The following UVSSA variants were observed in gnomAD, a reference collection of about 807,000 sequenced individuals.
UVSSA encodes the protein UV-stimulated scaffold protein A.
Under a neutral mutation model 73.9 loss-of-function variants are expected in UVSSA, and 72 were observed. The ratio of observed to expected loss-of-function variants is 0.97; its 90% CI spans 0.81 to 1.19. The LOEUF is 1.19. UVSSA is among the 50% of genes most tolerant of loss of function. The probability of loss-of-function intolerance (pLI) is 0.00; values close to 1 mark genes in which losing one functional copy is unlikely to be tolerated. For missense variants in UVSSA, 1,150 were observed against 965.0 expected, an observed-to-expected ratio of 1.19 and a Z score of -2.54; for synonymous variants, 454 against 391.3, an observed-to-expected ratio of 1.16 and a Z score of -1.89.
At position 1,383,876 on chromosome 4, in the gene UVSSA, C is replaced by T. The variant is rs1436659512; in HGVS notation, c.1972C>T (p.Leu658Phe). 1.2e-6 allele frequency: 2 copies of T among 1,613,478 alleles called. No individual in the cohort carries two copies. The highest frequency in any genetic ancestry group is 1.3e-5 in the African/African-American group (1 of 74,924). The change falls in exon 13 of 14, where the codon CTC becomes TTC. Residue 658 changes from leucine (L) to phenylalanine (F), a missense_variant. Transcript: ENST00000389851. ...GRGKKRRYPS[L>F]TNLKAQADTA... ...GGGGAAGAAGAGGAGGTACCCCAGC[C>T]TCACCAACCTGAAGGCTCAGGCTGA...
rs552086787 is a variant in UVSSA at position 1,380,246 on chromosome 4, G to C, written c.1752+16G>C. On this transcript the variant is annotated intron_variant, in intron 11 of 13. Transcript: ENST00000389851. ...CCGGCTGAAGGTGAGGCCGTGGCCCGAGGGCGGGGGTGGGTGTGGGCTGGA... is the reference window on the plus strand; with the variant it reads ...CCGGCTGAAGGTGAGGCCGTGGCCCCAGGGCGGGGGTGGGTGTGGGCTGGA... The C allele has an allele frequency of 2.5e-5, 40 of 1,602,734 alleles. No homozygotes were observed. Among genetic ancestry groups the C allele is most frequent in the Non-Finnish European group, 3.3e-5 (39 of 1,173,484 alleles).
chr4:1,373,123 C>T (rs1015520101), intron 8 of UVSSA, among the ~76,000 whole-genome samples: 3 of 152,198 alleles, frequency 2.0e-5, no homozygotes, highest in Admixed American at 6.5e-5. Context: ...TCAAAGTGAC[C>T]TTCTAAGATC....
Position 1,371,256 on chromosome 4 carries a change from C to CTGTGTGTGTG in UVSSA, c.1289-4082_1289-4073dup, listed in dbSNP as rs34839757. 8.8e-3 allele frequency among the ~76,000 whole-genome samples: 1,285 copies of CTGTGTGTGTG among 146,598 alleles called. 39 individuals are homozygous for CTGTGTGTGTG. In the East Asian group the frequency reaches 0.1, roughly 12 times the overall value. ...AGTGAGAGTACGTCTGTGGGTGGAC[C>CTGTGTGTGTG]TGTGTGTGTGTGTGTGTGTGTGTGT... On this transcript the variant is annotated intron_variant, in intron 8 of 13. Transcript: ENST00000389851.
At chr4:1,374,365 C>T (rs1049351510) in intron 8 of UVSSA, among the ~76,000 whole-genome samples, 1 of 152,234 alleles carries the variant, frequency 6.6e-6, no homozygotes, top group Admixed American at 6.5e-5. Flanking sequence ...GTATAGGCCC[C>T]GCCCTGACCG....
At chr4:1,364,751 C>G (rs1447868831) in intron 7 of UVSSA, among the ~76,000 whole-genome samples, 1 of 151,990 alleles carries the variant, frequency 6.6e-6, no homozygotes, top group Non-Finnish European at 1.5e-5. Flanking sequence ...GGCATCTCCA[C>G]CCTGGGGCAC....
chr4:1,385,591 A>C, intron 13 of UVSSA: 1 of 485,588 alleles, frequency 2.1e-6, no homozygotes, highest in Non-Finnish European at 3.8e-6. Context: ...GAGAAGTGCC[A>C]AGGTGGGGCT....
intron 7 of UVSSA, chr4:1,359,103 C>T (rs1225791758): frequency 6.6e-6 from 1 of 152,264 alleles, no homozygotes; most frequent in African/African-American, 2.4e-5. Context: ...CCTTTTGACG[C>T]AGATGTTCTG....
chr4:1,373,482 G>T (rs558377641), intron 8 of UVSSA, among the ~76,000 whole-genome samples: 1 of 152,080 alleles, frequency 6.6e-6, no homozygotes, highest in Non-Finnish European at 1.5e-5. Context: ...CAACACCCTC[G>T]CAGACACACC....
chr4:1,371,304 G>A (rs1057116113), intron 8 of UVSSA, among the ~76,000 whole-genome samples: 5 of 150,048 alleles, frequency 3.3e-5, no homozygotes, highest in African/African-American at 7.4e-5. Context: ...AATCGATGAC[G>A]TGTACATGAC....
chr4:1,375,550 C>G (rs1371959481), intron 9 of UVSSA, 42 bp downstream of exon 9: 1 of 1,588,426 alleles, frequency 6.3e-7, no homozygotes, highest in Non-Finnish European at 8.5e-7. Flanking sequence ...CTGCCCGGCG[C>G]TGCCACAGCC....
intron 7 of UVSSA, among the ~76,000 whole-genome samples, chr4:1,364,451 C>T (rs1257967220): frequency 6.6e-6 from 1 of 152,240 alleles, no homozygotes; most frequent in Non-Finnish European, 1.5e-5. Flanking sequence ...AACATGTGGG[C>T]TCCCGCCCTA....
At chr4:1,358,543 T>A (rs1471392202) in intron 7 of UVSSA, 1 of 152,240 alleles carries the variant, frequency 6.6e-6, no homozygotes, top group African/African-American at 2.4e-5. Context: ...ATGAAGTGAT[T>A]GGCGGGCTCG....
At chr4:1,363,814 C>T (rs1716966092) in intron 7 of UVSSA, among the ~76,000 whole-genome samples, 2 of 152,228 alleles carry the variant, frequency 1.3e-5, no homozygotes, top group African/African-American at 4.8e-5. Flanking sequence ...ACAGGCTTCC[C>T]TTTTGATCAG....
intron 8 of UVSSA, among the ~76,000 whole-genome samples, chr4:1,374,690 G>A (rs967928725): frequency 6.6e-5 from 10 of 152,210 alleles, no homozygotes; most frequent in East Asian, 1.9e-4. Flanking sequence ...CCTGGCAGAC[G>A]GAGGGAGTTG....
chr4:1,369,448 C>T (rs1246204440), intron 8 of UVSSA, among the ~76,000 whole-genome samples: 6 of 152,236 alleles, frequency 3.9e-5, no homozygotes, highest in South Asian at 2.1e-4. Flanking sequence ...TATATTCTGC[C>T]GCTGTTTTTT....
downstream of UVSSA, chr4:1,389,106 G>T (rs139400803): frequency 2.0e-5 from 3 of 152,090 alleles, no homozygotes; most frequent in Non-Finnish European, 2.9e-5. Context: ...TTATAGATCT[G>T]TTTAGTTCCA....
At chr4:1,391,618 G>C (rs1439788578), downstream of UVSSA, 1 of 151,854 alleles carries the variant, frequency 6.6e-6, no homozygotes, top group Non-Finnish European at 1.5e-5. Context: ...GCTCTTTTTT[G>C]ATTATTGTTT....
At chr4:1,381,686 C>CTTTT (rs1318393473) in intron 12 of UVSSA, among the ~76,000 whole-genome samples, 4 of 131,762 alleles carry the variant, frequency 3.0e-5, no homozygotes, top group Non-Finnish European at 4.9e-5. Flanking sequence ...TTTGATTTGG[C>CTTTT]TTTTTTTTTT....
chr4:1,356,139 C>T (rs747952865), intron 7 of UVSSA, among the ~76,000 whole-genome samples: 2 of 152,198 alleles, frequency 1.3e-5, no homozygotes, highest in African/African-American at 2.4e-5. Context: ...GAGCTCGGAC[C>T]CCAAATCCAG....
Sources: allele counts gnomAD v4.1 joint callset (sites outside exome capture counted in the v4.1 genomes callset), GRCh38; gene constraint gnomAD v4.1.1; transcripts MANE v1.5; gene names NCBI Gene and HGNC (gene_info 2026-07-23, HGNC 2026-07-21).